The following PRH1 variants were observed in gnomAD, a reference collection of about 807,000 sequenced individuals.
PRH1 encodes salivary acidic proline-rich phosphoprotein 1/2.
In PRH1, 7 loss-of-function variants were observed where a neutral mutation model predicts 7.9. The observed-to-expected ratio is 0.89, with a 90% CI of 0.50 to 1.67. The LOEUF is 1.67. PRH1 is among the 40% of genes most tolerant of loss of function. The probability of loss-of-function intolerance (pLI) is 0.00; values close to 1 mark genes in which losing one functional copy is unlikely to be tolerated. For synonymous variants in PRH1, 45 were observed against 80.8 expected (o/e 0.56, Z 2.38); for missense variants, 109 against 223.6 (o/e 0.49, Z 3.27).
At chr12:10,974,931 C>T (rs747455938) in intron 1 of PRH1, among the ~76,000 whole-genome samples, 13 of 151,948 alleles carry the variant, frequency 8.6e-5, no homozygotes, top group East Asian at 1.9e-4. Context: ...AAATACAAAA[C>T]GGTTATTTTA....
At chr12:11,094,589 T>C (rs1378241596) in intron 1 of PRH1, among the ~76,000 whole-genome samples, 5 of 115,580 alleles carry the variant, frequency 4.3e-5, no homozygotes, top group East Asian at 2.1e-4. Context: ...TCTCAAATTT[T>C]CTTATGTTGC....
At chr12:11,146,850 A>G (rs35856529) in intron 1 of PRH1, among the ~76,000 whole-genome samples, 69,125 of 151,958 alleles carry the variant, frequency 0.45, 16,525 homozygotes, top group Non-Finnish European at 0.52. Context: ...TAATCTTATT[A>G]TAAGACAAAT....
chr12:10,940,200 T>C (rs1052401075), intron 2 of PRH1, among the ~76,000 whole-genome samples: 1 of 152,148 alleles, frequency 6.6e-6, no homozygotes. Context: ...TACAAGTACA[T>C]GCCCAGCAAA....
intron 2 of PRH1, among the ~76,000 whole-genome samples, chr12:10,912,029 A>G (rs529200307): frequency 3.4e-4 from 52 of 152,340 alleles, no homozygotes; most frequent in African/African-American, 1.2e-3. Context: ...CATGAATGGA[A>G]TAATACTGTA....
At chr12:10,893,984 A>G (rs1217442108) in intron 2 of PRH1, among the ~76,000 whole-genome samples, 2 of 152,090 alleles carry the variant, frequency 1.3e-5, no homozygotes, top group African/African-American at 4.8e-5. Flanking sequence ...ATTAAATTCA[A>G]TTCTGTAAAC....
chr12:10,883,948 C>T (rs1316847582), intron 1 of PRH1, among the ~76,000 whole-genome samples: 1 of 152,148 alleles, frequency 6.6e-6, no homozygotes, highest in Non-Finnish European at 1.5e-5. Context: ...AGTACGAATT[C>T]TTTATTGGAT....
chr12:11,088,180 A>G (rs181619299), intron 1 of PRH1, among the ~76,000 whole-genome samples: 41,991 of 95,704 alleles, frequency 0.44, 4,402 homozygotes, highest in Non-Finnish European at 0.52. Flanking sequence ...AGCCCTACAG[A>G]AAATACAAAA....
In PRH1 at chr12:11,066,547, C is replaced by A. The variant is rs67580335; in HGVS notation, n.124-19359G>T. On this transcript the variant is annotated intron_variant and non_coding_transcript_variant, in intron 1 of 4. Transcript: ENST00000541977. ...TAAGCTTTGCTGTTTACTCCTGTAA[C>A]TTTCCCACAATGATGGTCTTTTAAA... is the stretch of plus-strand genomic sequence containing the variant. 3.3e-5 allele frequency among the ~76,000 whole-genome samples: 3 copies of A among 90,764 alleles called. 1 individual carries two copies. The highest frequency in any genetic ancestry group is 3.5e-4 in the South Asian group (1 of 2,878). 59.5% of individuals were successfully genotyped at this position (90,764 alleles called of 152,430 possible). A position where few individuals can be genotyped will look rare whatever the true frequency, so the allele number is the denominator to read the frequency against.
downstream of PRH1, among the ~76,000 whole-genome samples, chr12:11,116,092 G>C (rs1466150131): frequency 6.6e-6 from 1 of 151,676 alleles, no homozygotes; most frequent in Non-Finnish European, 1.5e-5. Context: ...CAATACAAAA[G>C]ATCAATGAAA....
chr12:11,118,763 G>T (rs1392540701), downstream of PRH1, among the ~76,000 whole-genome samples: 2 of 152,100 alleles, frequency 1.3e-5, no homozygotes, highest in Non-Finnish European at 2.9e-5. Context: ...GGGAGGCCGA[G>T]GTGGGTGGAT....
intron 1 of PRH1, among the ~76,000 whole-genome samples, chr12:11,069,458 G>T (rs1376238895): frequency 2.5e-5 from 1 of 39,568 alleles, no homozygotes; most frequent in Non-Finnish European, 8.1e-5. Flanking sequence ...TCAGTTTAGA[G>T]ACAAAAGACA....
At chr12:10,965,932 A>G (rs1938479608) in intron 2 of PRH1, among the ~76,000 whole-genome samples, 1 of 152,218 alleles carries the variant, frequency 6.6e-6, no homozygotes, top group African/African-American at 2.4e-5. Flanking sequence ...GAATGCCAAT[A>G]CACCTTAAAA....
chr12:10,981,254 C>T (rs1326562469), intron 1 of PRH1, among the ~76,000 whole-genome samples: 3 of 152,054 alleles, frequency 2.0e-5, no homozygotes, highest in African/African-American at 4.8e-5. Context: ...ACAGAACACA[C>T]GTCCATATTA....
intron 1 of PRH1, among the ~76,000 whole-genome samples, chr12:11,167,504 G>A (rs1361604832): frequency 1.3e-5 from 2 of 151,112 alleles, no homozygotes; most frequent in Admixed American, 6.6e-5. Context: ...GAGTGCAGTG[G>A]CCCCATCTCG....
Position 11,020,273 on chromosome 12 carries a change from T to G in PRH1, c.-126+26747A>C, listed in dbSNP as rs139303523. On this transcript the variant is annotated intron_variant, in intron 1 of 3. Coordinates refer to the PRH1 transcript ENST00000539853. ...TGACCAACTATTCTTTGTGCTGGCT[T>G]TTAGGTCCTGTGAGTCAAGAGAAAG... 7.4e-3 allele frequency among the ~76,000 whole-genome samples: 1,124 copies of G among 152,142 alleles called. 11 individuals carry two copies. The highest frequency in any genetic ancestry group is 0.027 in the Middle Eastern group (8 of 294).
At chr12:11,131,141 C>T (rs1946328942) in intron 1 of PRH1, among the ~76,000 whole-genome samples, 1 of 152,192 alleles carries the variant, frequency 6.6e-6, no homozygotes, top group Non-Finnish European at 1.5e-5. Context: ...GAAACCCTGG[C>T]CAAGGGGAAA....
At chr12:10,908,794 T>C (rs1180964067) in intron 2 of PRH1, 3 of 1,613,926 alleles carry the variant, frequency 1.9e-6, no homozygotes, top group Non-Finnish European at 2.5e-6. Context: ...AAGTCACTCA[T>C]ACTGAAATTC....
At chr12:10,994,042 A>C (rs902373812) in intron 1 of PRH1, among the ~76,000 whole-genome samples, 2 of 152,220 alleles carry the variant, frequency 1.3e-5, no homozygotes, top group Non-Finnish European at 2.9e-5. Context: ...CAACAGTGGA[A>C]ATTATATGCT....
chr12:10,927,737 A>G (rs1950143035), intron 2 of PRH1, among the ~76,000 whole-genome samples: 1 of 152,206 alleles, frequency 6.6e-6, no homozygotes, highest in African/African-American at 2.4e-5. Context: ...TTTCTGTCAC[A>G]TGGCCTCTCA....
Sources: allele counts gnomAD v4.1 joint callset (sites outside exome capture counted in the v4.1 genomes callset), GRCh38; gene constraint gnomAD v4.1.1; transcripts MANE v1.5; gene names NCBI Gene and HGNC (gene_info 2026-07-23, HGNC 2026-07-21).